Variants in RAB31 observed in about 807,000 individuals in gnomAD.
RAB31 encodes ras-related protein Rab-31.
A neutral mutation model predicts 25.6 loss-of-function variants in RAB31; 21 were observed. The observed-to-expected ratio is 0.82, with a 90% CI of 0.58 to 1.18. The LOEUF (loss-of-function observed/expected upper bound fraction) is 1.18, where lower values mean the gene tolerates loss of function less well. Among genes scored for constraint, RAB31 ranks in the 50% most tolerant of loss-of-function variants. RAB31 has a pLI of 0.00. For synonymous variants in RAB31, 87 were observed against 84.0 expected (o/e 1.04, Z -0.20); for missense variants, 196 against 250.1 (o/e 0.78, Z 1.46).
rs112250385 is a variant in RAB31, at chr18:9,755,587, A to G, written c.40-19691A>G. 3.9e-3 allele frequency among the ~76,000 whole-genome samples: 596 copies of G among 152,298 alleles called. 1 individual carries two copies. The highest frequency in any genetic ancestry group is 7.0e-3 in the Non-Finnish European group (478 of 68,030). ...CTGCAGTCACTTGCCCTCCTCTTTG[A>G]GCTTCAGCTCTTCTTGGGCTGGGGA... On this transcript the variant is annotated intron_variant, in intron 1 of 6. Coordinates refer to ENST00000578921, the MANE Select transcript of RAB31 (RefSeq NM_006868.4).
intron 5 of RAB31, among the ~76,000 whole-genome samples, chr18:9,833,058 G>C (rs573247510): frequency 6.6e-6 from 1 of 152,208 alleles, no homozygotes; most frequent in East Asian, 1.9e-4. Flanking sequence ...GCACGAAAAC[G>C]TGAACCGCCG....
At chr18:9,855,441 T>G (rs189735251) in intron 6 of RAB31, among the ~76,000 whole-genome samples, 59 of 152,298 alleles carry the variant, frequency 3.9e-4, no homozygotes, top group African/African-American at 1.4e-3. Flanking sequence ...TTTTTGTATA[T>G]ATTTTTGTCC....
chr18:9,833,491 A>G (rs556620978), intron 5 of RAB31, among the ~76,000 whole-genome samples: 2 of 152,342 alleles, frequency 1.3e-5, no homozygotes, highest in Non-Finnish European at 2.9e-5. Context: ...AACATCAGCC[A>G]GTGGTGCTCC....
At chr18:9,783,083 G>A (rs141125092) in intron 2 of RAB31, among the ~76,000 whole-genome samples, 2 of 152,304 alleles carry the variant, frequency 1.3e-5, no homozygotes, top group African/African-American at 4.8e-5. Context: ...GGAACACAGA[G>A]GGATATGTGT....
chr18:9,745,300 T>C (rs548682567), intron 1 of RAB31, among the ~76,000 whole-genome samples: 7 of 152,246 alleles, frequency 4.6e-5, no homozygotes, highest in Admixed American at 4.6e-4. Context: ...GGAGAATCAG[T>C]AATCAAAAAC....
chr18:9,727,818 C>T lies in RAB31; in HGVS notation c.39+19374C>T, dbSNP rs572095432. ...AGTTGACAAGTAAAAATTGAATGTC[C>T]ACTTTTAAGGTATGCAATATGATGT... On this transcript the variant is annotated intron_variant, in intron 1 of 6. Transcript: ENST00000578921. 8.5e-5 allele frequency among the ~76,000 whole-genome samples: 13 copies of T among 152,230 alleles called. No individual in the cohort carries two copies. The South Asian group carries it at 1.9e-3, about 22-fold the overall frequency.
intron 3 of RAB31, among the ~76,000 whole-genome samples, chr18:9,804,880 T>C (rs1599045890): frequency 6.6e-6 from 1 of 150,820 alleles, no homozygotes; most frequent in African/African-American, 2.5e-5. Flanking sequence ...TCACTTTCTT[T>C]TTTTGTTTCC....
At chr18:9,718,404 C>T (rs1377549643) in intron 1 of RAB31, among the ~76,000 whole-genome samples, 1 of 152,060 alleles carries the variant, frequency 6.6e-6, no homozygotes, top group Non-Finnish European at 1.5e-5. Flanking sequence ...GGATTACAGG[C>T]ATGCGCCACC....
rs748103798 is a variant in RAB31, at chr18:9,845,669, C to G, written c.468C>G (p.Ile156Met). 3.2e-6 allele frequency: 5 copies of G among 1,559,504 alleles called. No homozygotes were observed. Among genetic ancestry groups the G allele is most frequent in the Non-Finnish European group, 4.3e-6 (5 of 1,151,792 alleles). The stretch of plus-strand genomic sequence containing the variant: ...CAAGTGCAAAAAATGCTATTAATAT[C>G]GAAGAGCTCTTTCAAGGAATCAGTA... The part of the protein sequence containing the change: ...VETSAKNAIN[I>M]EELFQGISRQ... The change falls in exon 6 of 7, where the codon ATC becomes ATG. Residue 156 changes from isoleucine (I) to methionine (M), a missense_variant. By Grantham distance (10) the Ile-to-Met change is conservative (BLOSUM62 1). Coordinates refer to ENST00000578921, the MANE Select transcript of RAB31 (RefSeq NM_006868.4).
chr18:9,809,803 A>G (rs762269652), intron 3 of RAB31, among the ~76,000 whole-genome samples: 3 of 152,248 alleles, frequency 2.0e-5, no homozygotes, highest in Non-Finnish European at 4.4e-5. Context: ...TTATTCCCTT[A>G]AGAGGTGGAA....
At chr18:9,845,444 C>A in intron 5 of RAB31, 138 bp from the exon 6 acceptor site, 1 of 705,008 alleles carries the variant, frequency 1.4e-6, no homozygotes, top group African/African-American at 1.8e-5. Flanking sequence ...ACTAGGTGTC[C>A]ATTCTTGCTG....
intron 2 of RAB31, among the ~76,000 whole-genome samples, chr18:9,789,256 C>G (rs1186314374): frequency 1.3e-5 from 2 of 152,086 alleles, no homozygotes; most frequent in African/African-American, 4.8e-5. Context: ...ATAGGGAGAG[C>G]TTGGTTAACA....
rs374331785 is a variant in RAB31 at position 9,828,865 on chromosome 18, C to T, written c.380+13643C>T. Among the ~76,000 whole-genome samples, 62 of 152,152 alleles carry T rather than the reference C, an allele frequency of 4.1e-4. 2 individuals carry two copies. On this transcript the variant is annotated intron_variant, in intron 5 of 6. Coordinates refer to ENST00000578921, the MANE Select transcript of RAB31 (RefSeq NM_006868.4). Reference sequence around the variant, plus strand: ...CATGGCAAGTGTTAAATGCACGATGCGTTTTCCTTATGTGAGATAATGAGG... The same window carrying T: ...CATGGCAAGTGTTAAATGCACGATGTGTTTTCCTTATGTGAGATAATGAGG...
At chr18:9,760,494 AT>A (rs375633624) in intron 1 of RAB31, among the ~76,000 whole-genome samples, 4,005 of 151,946 alleles carry the variant, frequency 0.026, 66 homozygotes, top group Admixed American at 0.06. Context: ...CTTCAGAACA[AT>A]TTTTTTTCAC....
At chr18:9,794,432 C>T (rs2068476596) in intron 3 of RAB31, among the ~76,000 whole-genome samples, 1 of 152,138 alleles carries the variant, frequency 6.6e-6, no homozygotes, top group Non-Finnish European at 1.5e-5. Context: ...ACATCCTATG[C>T]TCATGGATGG....
chr18:9,846,076 C>A (rs572781319), intron 6 of RAB31, among the ~76,000 whole-genome samples: 2 of 152,274 alleles, frequency 1.3e-5, no homozygotes, highest in East Asian at 1.9e-4. Flanking sequence ...ACTGAGGGAA[C>A]CTTCCAGTAA....
Position 9,739,202 on chromosome 18 carries a change from C to CA in RAB31, c.39+30758_39+30759insA, listed in dbSNP as rs1232803769. On this transcript the variant is annotated intron_variant, in intron 1 of 6. Transcript: ENST00000578921. ...GAATTTCTAAGAATTTGGCCAGGCA[C>CA]GGTGGCTTACGCCCGTAATCCCAGC... is the stretch of plus-strand genomic sequence containing the variant. Among the ~76,000 whole-genome samples, 6 of 152,318 alleles carry CA rather than the reference C, an allele frequency of 3.9e-5. No homozygotes were observed. The East Asian group carries it at 1.2e-3, about 29-fold the overall frequency.
chr18:9,826,585 C>T (rs2068651122), intron 5 of RAB31, among the ~76,000 whole-genome samples: 1 of 152,174 alleles, frequency 6.6e-6, no homozygotes, highest in Non-Finnish European at 1.5e-5. Context: ...CCCTATTTAG[C>T]TTGGATCTTT....
At chr18:9,855,225 G>A (rs576257718) in intron 6 of RAB31, among the ~76,000 whole-genome samples, 21 of 151,770 alleles carry the variant, frequency 1.4e-4, no homozygotes, top group Admixed American at 1.3e-3. Flanking sequence ...CCTCTAGACT[G>A]TCAACTTTCA....
Sources: gnomAD v4.1 joint callset for allele counts (sites outside exome capture counted in the v4.1 genomes callset) on GRCh38, gnomAD v4.1.1 for gene constraint, MANE v1.5 for transcripts, NCBI Gene and HGNC (gene_info 2026-07-23, HGNC 2026-07-21) for gene names.